The following RUNX2 variants were observed in gnomAD, a reference collection of about 807,000 sequenced individuals.
RUNX2 encodes the protein runt-related transcription factor 2.
Under a neutral mutation model 51.7 loss-of-function variants are expected in RUNX2, and 10 were observed. The observed-to-expected ratio is 0.19, with a 90% CI of 0.12 to 0.33. The LOEUF (loss-of-function observed/expected upper bound fraction) is 0.33. Ranked by LOEUF, RUNX2 falls within the 10% of genes least tolerant of loss-of-function variation. RUNX2 has a pLI of 1.00. For synonymous variants in RUNX2, 276 were observed against 273.6 expected (o/e 1.01, Z -0.09); for missense variants, 562 against 691.3 (o/e 0.81, Z 2.10).
intron 6 of RUNX2, 80 bp from the exon 7 acceptor site, chr6:45,512,166 T>C (rs980402712): frequency 6.9e-7 from 1 of 1,441,096 alleles, no homozygotes. Flanking sequence ...TTCTGCTTTT[T>C]CCTTTCTGAG....
chr6:45,512,310 C>G lies in RUNX2; in HGVS notation c.924C>G (p.Ser308Arg), dbSNP rs1181014657. The G allele has an allele frequency of 1.2e-6, 2 of 1,614,028 alleles. No individual in the cohort carries two copies. The highest frequency in any genetic ancestry group is 2.2e-5 in the South Asian group (2 of 91,088). The change falls in exon 7 of 9, where the codon AGC becomes AGG. Residue 308 changes from serine to arginine, a missense_variant. Transcript: ENST00000647337. Reference protein sequence around the residue: ...SYDQSYPSYLSQMTSPSIHST... With the variant: ...SYDQSYPSYLRQMTSPSIHST... ...ACCAGTCTTACCCCTCCTACCTGAG[C>G]CAGATGACGTCCCCGTCCATCCACT...
In RUNX2 at chr6:45,538,085, T is replaced by C. The variant is rs562733476; in HGVS notation, c.1022-7132T>C. On this transcript the variant is annotated intron_variant, in intron 7 of 8. Transcript: ENST00000647337. ...CCATTTGTCCACTTCTTGTATTTCA[T>C]GCCTTCCTATCAGTTAGGCTTTGGT... Among the ~76,000 whole-genome samples the C allele has an allele frequency of 2.6e-5, 4 of 152,364 alleles. No individual in the cohort carries two copies. In the East Asian group the frequency reaches 5.8e-4, roughly 22 times the overall value.
At chr6:45,368,104 A>G (rs937827277) in intron 2 of RUNX2, among the ~76,000 whole-genome samples, 1 of 152,164 alleles carries the variant, frequency 6.6e-6, no homozygotes, top group African/African-American at 2.4e-5. Context: ...TTACTGTGGA[A>G]CTGAAAACCT....
At chr6:45,475,450 C>T (rs891816341) in intron 5 of RUNX2, among the ~76,000 whole-genome samples, 11 of 152,182 alleles carry the variant, frequency 7.2e-5, no homozygotes, top group Admixed American at 1.3e-4. Flanking sequence ...TCCCTGGCTC[C>T]ATGTGCAGGT....
intron 2 of RUNX2, among the ~76,000 whole-genome samples, chr6:45,369,970 G>T (rs1185653365): frequency 6.6e-6 from 1 of 152,164 alleles, no homozygotes; most frequent in African/African-American, 2.4e-5. Context: ...CACAGGGGTA[G>T]CAAGAGGGCA....
At chr6:45,403,524 C>A (rs372386628) in intron 2 of RUNX2, among the ~76,000 whole-genome samples, 6 of 152,168 alleles carry the variant, frequency 3.9e-5, no homozygotes, top group Admixed American at 1.3e-4. Flanking sequence ...TGAGCCACTG[C>A]GCCTGGCCTG....
At chr6:45,345,566 T>C (rs1790682468) in intron 2 of RUNX2, among the ~76,000 whole-genome samples, 1 of 152,160 alleles carries the variant, frequency 6.6e-6, no homozygotes, top group African/African-American at 2.4e-5. Context: ...TCATTTTTGG[T>C]AACTAATTCT....
intron 2 of RUNX2, among the ~76,000 whole-genome samples, chr6:45,385,255 A>C (rs1797325394): frequency 6.6e-6 from 1 of 152,154 alleles, no homozygotes; most frequent in South Asian, 2.1e-4. Flanking sequence ...CCTGGGTTTT[A>C]ACCTCTCGGT....
chr6:45,467,748 T>A (rs1582142692), intron 5 of RUNX2, among the ~76,000 whole-genome samples: 1 of 152,220 alleles, frequency 6.6e-6, no homozygotes, highest in Admixed American at 6.5e-5. Context: ...CTTGACTTAA[T>A]GAACAACTCC....
chr6:45,549,514 T>G lies in RUNX2; in HGVS notation c.*2209T>G, dbSNP rs897024697. 7 of 397,276 alleles carry G rather than the reference T, an allele frequency of 1.8e-5. No individual in the cohort carries two copies. Among genetic ancestry groups the G allele is most frequent in the African/African-American group, 1.2e-4 (6 of 48,608 alleles). 24.6% of individuals were successfully genotyped at this position (397,276 alleles called of 1,614,324 possible). Reference sequence around the variant, plus strand: ...ATAAGCCACTTTTCTATTACTTAAGTAAGAAGGAAGTAGTAATTGATACTA... The same window carrying G: ...ATAAGCCACTTTTCTATTACTTAAGGAAGAAGGAAGTAGTAATTGATACTA... On this transcript the variant is annotated 3_prime_UTR_variant, in exon 9 of 9. Transcript: ENST00000647337.
chr6:45,531,006 G>A (rs1032704207), intron 7 of RUNX2, among the ~76,000 whole-genome samples: 2 of 152,086 alleles, frequency 1.3e-5, no homozygotes, highest in East Asian at 1.9e-4. Context: ...TCATTACAAC[G>A]CATTGAAGTA....
chr6:45,547,609 G>A lies in RUNX2; in HGVS notation c.*304G>A, dbSNP rs146801654. 3.6e-5 allele frequency: 15 copies of A among 411,784 alleles called. No homozygotes were observed. The East Asian group carries it at 7.7e-4, about 21-fold the overall frequency. The allele number at this position is 411,784 out of a possible 1,614,324, so 25.5% of individuals were successfully genotyped here. The stretch of plus-strand genomic sequence containing the variant: ...TATTTTTGTTTTTGTTGTTTGGTCT[G>A]TTATCATCAATAACCTGTTCATATG... On this transcript the variant is annotated 3_prime_UTR_variant, in exon 9 of 9. Transcript: ENST00000647337.
At chr6:45,494,459 T>C (rs2150409113) in intron 6 of RUNX2, among the ~76,000 whole-genome samples, 1 of 152,358 alleles carries the variant, frequency 6.6e-6, no homozygotes, top group East Asian at 1.9e-4. Flanking sequence ...ATTAGTGCTC[T>C]TCATTTTGGG....
At chr6:45,393,380 G>A (rs1193526400) in intron 2 of RUNX2, among the ~76,000 whole-genome samples, 1 of 152,050 alleles carries the variant, frequency 6.6e-6, no homozygotes, top group Non-Finnish European at 1.5e-5. Flanking sequence ...TAGCTGCGGT[G>A]TCAGTGTCTA....
chr6:45,422,467 TC>T, intron 2 of RUNX2, 125 bp from the exon 3 acceptor site: 1 of 820,360 alleles, frequency 1.2e-6, no homozygotes, highest in Non-Finnish European at 1.9e-6. Context: ...CCCCATCACC[TC>T]CATCCTCTTT....
chr6:45,440,468 C>T (rs141332131), intron 5 of RUNX2, among the ~76,000 whole-genome samples: 345 of 152,290 alleles, frequency 2.3e-3, no homozygotes, highest in African/African-American at 7.6e-3. Context: ...ACGTTTTCTA[C>T]GGAGTGCCAG....
chr6:45,420,228 C>G (rs188417750), intron 2 of RUNX2, among the ~76,000 whole-genome samples: 32 of 152,260 alleles, frequency 2.1e-4, no homozygotes, highest in Middle Eastern at 6.8e-3. Context: ...CCACAGCCCC[C>G]CAAGCTCATC....
chr6:45,546,734 A>T, intron 8 of RUNX2, 93 bp from the exon 9 acceptor site: 1 of 1,152,218 alleles, frequency 8.7e-7, no homozygotes, highest in Non-Finnish European at 1.3e-6. Flanking sequence ...TGGGAAAGCT[A>T]AAGTTTTCTC....
chr6:45,342,970 A>G (rs1025563607), intron 2 of RUNX2, among the ~76,000 whole-genome samples: 1 of 152,208 alleles, frequency 6.6e-6, no homozygotes, highest in African/African-American at 2.4e-5. Flanking sequence ...CGCCTAGTAC[A>G]TAACCCTGAG....
Sources: allele counts gnomAD v4.1 joint callset (sites outside exome capture counted in the v4.1 genomes callset), GRCh38; gene constraint gnomAD v4.1.1; transcripts MANE v1.5; gene names NCBI Gene and HGNC (gene_info 2026-07-23, HGNC 2026-07-21).